CELF6: variants seen among roughly 807,000 people sequenced by gnomAD.
The protein encoded by CELF6 is Bruno -like 6, RNA binding protein.
Under a neutral mutation model 53.1 loss-of-function variants are expected in CELF6, and 32 were observed. The ratio of observed to expected loss-of-function variants is 0.60; its 90% CI spans 0.46 to 0.81. The LOEUF (loss-of-function observed/expected upper bound fraction) is 0.81. CELF6 is among the 30% of genes least tolerant of loss of function. The pLI is 0.00. For missense variants in CELF6, 539 were observed against 669.5 expected (o/e 0.81, Z 2.15); for synonymous variants, 291 against 288.8 (o/e 1.01, Z -0.08).
intron 3 of CELF6, among the ~76,000 whole-genome samples, chr15:72,298,437 A>G (rs901161733): frequency 1.3e-5 from 2 of 152,248 alleles, no homozygotes; most frequent in African/African-American, 4.8e-5. Flanking sequence ...ATGCCTCAAA[A>G]TATATTTTAA....
At chr15:72,299,508 C>T (rs1201334945) in intron 3 of CELF6, among the ~76,000 whole-genome samples, 5 of 151,658 alleles carry the variant, frequency 3.3e-5, no homozygotes, top group African/African-American at 9.7e-5. Flanking sequence ...TACAGGCACA[C>T]ACCACCAAGC....
At chr15:72,308,310 C>T (rs1361447336) in intron 2 of CELF6, among the ~76,000 whole-genome samples, 2 of 152,084 alleles carry the variant, frequency 1.3e-5, no homozygotes, top group East Asian at 1.9e-4. Flanking sequence ...CTCACCGAAA[C>T]CTCTGCCTCC....
intron 2 of CELF6, among the ~76,000 whole-genome samples, chr15:72,310,544 ATC>A (rs1278006990): frequency 2.4e-4 from 22 of 90,662 alleles, no homozygotes; most frequent in Non-Finnish European, 3.7e-4. Context: ...AGCCAGAGTA[ATC>A]TTTTTTTTTT....
chr15:72,292,761 CTCA>C (rs1164180208), intron 3 of CELF6, among the ~76,000 whole-genome samples: 1 of 152,240 alleles, frequency 6.6e-6, no homozygotes, highest in African/African-American at 2.4e-5. Flanking sequence ...GGCGCAGTGG[CTCA>C]CGCCTATAAT....
rs1418612179 is a variant in CELF6, at chr15:72,320,119, G to A, written c.-245C>T. On this transcript the variant is annotated 5_prime_UTR_variant, in exon 1 of 13. Coordinates refer to ENST00000287202, the MANE Select transcript of CELF6 (RefSeq NM_052840.5). Reference sequence around the variant, plus strand: ...GGCTGAACGCTGGGGTCTGGCTTGAGGTCCCCGTGCGGCTCTCTCTGGGCT... The same window carrying A: ...GGCTGAACGCTGGGGTCTGGCTTGAAGTCCCCGTGCGGCTCTCTCTGGGCT... 6.2e-6 allele frequency: 4 copies of A among 647,082 alleles called. No homozygotes were observed. The highest frequency in any genetic ancestry group is 1.1e-5 in the Non-Finnish European group (4 of 350,972). The allele number at this position is 647,082 out of a possible 1,614,324, so 40.1% of individuals were successfully genotyped here.
At chr15:72,313,792 C>T (rs1381286862) in intron 2 of CELF6, 16 of 941,962 alleles carry the variant, frequency 1.7e-5, no homozygotes, top group Admixed American at 6.2e-5. Flanking sequence ...ATGAGTTCTA[C>T]TCCTACTCCT....
At chr15:72,292,983 T>A (rs778929208) in intron 3 of CELF6, among the ~76,000 whole-genome samples, 10 of 152,198 alleles carry the variant, frequency 6.6e-5, no homozygotes, top group Admixed American at 1.3e-4. Context: ...GCCGAGATTG[T>A]ACCACTGCAC....
rs2087913422 is a variant in CELF6 at position 72,285,774 on chromosome 15, T to C, written c.*597A>G. 6.6e-6 allele frequency: 1 copy of C among 152,578 alleles called. No homozygotes were observed. 9.5% of individuals were successfully genotyped at this position (152,578 alleles called of 1,614,324 possible). A position where few individuals can be genotyped will look rare whatever the true frequency, so the allele number is the denominator to read the frequency against. ...CTAGACCTCAAATCCTTAATTATTTTTAAAAGGGCAGGGTGGGGGAGTGGC... is the reference window on the plus strand; with the variant it reads ...CTAGACCTCAAATCCTTAATTATTTCTAAAAGGGCAGGGTGGGGGAGTGGC... On this transcript the variant is annotated 3_prime_UTR_variant, in exon 13 of 13. Coordinates refer to ENST00000287202, the MANE Select transcript of CELF6 (RefSeq NM_052840.5).
At chr15:72,290,734 A>G (rs1567278374) in intron 3 of CELF6, among the ~76,000 whole-genome samples, 1 of 152,164 alleles carries the variant, frequency 6.6e-6, no homozygotes, top group Non-Finnish European at 1.5e-5. Context: ...GCTAGAATCA[A>G]TGCCCCTTCC....
Position 72,289,176 on chromosome 15 carries a change from G to C in CELF6, c.992C>G (p.Ser331Cys), listed in dbSNP as rs1393335790. The change falls in exon 8 of 13, where the codon TCC becomes TGC. Residue 331 changes from serine (S) to cysteine (C), a missense_variant. Coordinates refer to ENST00000287202, the MANE Select transcript of CELF6 (RefSeq NM_052840.5). The surrounding 1 kb of genome is among the most constrained non-coding windows in gnomAD (Gnocchi z 7.6). ...GAGCCCGTTATTGTAGAGCGTGTCGGAGCCCGGCTGGCCATTGGTCTGGGG... is the reference window on the plus strand; with the variant it reads ...GAGCCCGTTATTGTAGAGCGTGTCGCAGCCCGGCTGGCCATTGGTCTGGGG... ...LTPQTNGQPG[S>C]DTLYNNGLSP... The C allele has an allele frequency of 1.3e-6, 2 of 1,559,172 alleles. No homozygotes were observed. Among genetic ancestry groups the C allele is most frequent in the African/African-American group, 1.4e-5 (1 of 72,510 alleles).
chr15:72,302,106 T>A (rs2088165142), intron 3 of CELF6, among the ~76,000 whole-genome samples: 3 of 152,232 alleles, frequency 2.0e-5, no homozygotes, highest in Non-Finnish European at 4.4e-5. Context: ...TTAGAAGAGA[T>A]ATATGATAGC....
chr15:72,288,135 G>A lies in CELF6; in HGVS notation c.1318+173C>T, dbSNP rs2087946071. Among the ~76,000 whole-genome samples, 2 of 152,202 alleles carry A rather than the reference G, an allele frequency of 1.3e-5. No individual in the cohort carries two copies. The highest frequency in any genetic ancestry group is 4.8e-5 in the African/African-American group (2 of 41,454). Reference sequence around the variant, plus strand: ...TTACAGGCGTGAGCCACCATGCCCGGCCAAGGCTTGTTGTTGGCCTAAACT... The same window carrying A: ...TTACAGGCGTGAGCCACCATGCCCGACCAAGGCTTGTTGTTGGCCTAAACT... On this transcript the variant is annotated intron_variant, in intron 11 of 12. Coordinates refer to ENST00000287202, the MANE Select transcript of CELF6 (RefSeq NM_052840.5). This position sits in a 1 kb window ranked among gnomAD's most constrained non-coding sequence, Gnocchi z 4.6.
At chr15:72,294,024 G>T (rs1420515130) in intron 3 of CELF6, among the ~76,000 whole-genome samples, 1 of 152,114 alleles carries the variant, frequency 6.6e-6, no homozygotes, top group Non-Finnish European at 1.5e-5. Flanking sequence ...AAAACAAGTG[G>T]CTTAGGCTCC....
intron 3 of CELF6, among the ~76,000 whole-genome samples, chr15:72,299,847 A>C (rs1250258062): frequency 6.6e-6 from 1 of 152,176 alleles, no homozygotes; most frequent in Non-Finnish European, 1.5e-5. Context: ...AATTTATGCA[A>C]ACTCACTGGA....
chr15:72,310,298 T>C (rs920867355), intron 2 of CELF6, among the ~76,000 whole-genome samples: 3 of 152,156 alleles, frequency 2.0e-5, no homozygotes, highest in African/African-American at 7.2e-5. Flanking sequence ...TAATTTTTAG[T>C]ACTTTGTTTT....
At chr15:72,315,968 C>A in intron 1 of CELF6, 41 bp from the exon 2 acceptor site, 1 of 1,359,072 alleles carries the variant, frequency 7.4e-7, no homozygotes, top group Non-Finnish European at 1.0e-6. Flanking sequence ...TCCTGAAACC[C>A]CCAACTATTC....
chr15:72,314,589 G>GTTTTTTTTTTTTT lies in CELF6; in HGVS notation c.345+1243_345+1255dup, dbSNP rs984879836. Among the ~76,000 whole-genome samples, 225 of 97,828 alleles carry GTTTTTTTTTTTTT rather than the reference G, an allele frequency of 2.3e-3. 23 individuals carry two copies. Among genetic ancestry groups the GTTTTTTTTTTTTT allele is most frequent in the African/African-American group, 0.01 (214 of 20,700 alleles). 64.2% of individuals were successfully genotyped at this position (97,828 alleles called of 152,430 possible). The stretch of plus-strand genomic sequence containing the variant: ...AGGTCTGTGAGACTCAAAACCCAGT[G>GTTTTTTTTTTTTT]TTTTTTTTTTTTTTTTTTTTTTTGA... On this transcript the variant is annotated intron_variant, in intron 2 of 12. Coordinates refer to ENST00000287202, the MANE Select transcript of CELF6 (RefSeq NM_052840.5).
chr15:72,307,889 A>T (rs913395755), intron 2 of CELF6, among the ~76,000 whole-genome samples: 1 of 152,170 alleles, frequency 6.6e-6, no homozygotes, highest in African/African-American at 2.4e-5. Flanking sequence ...CCATGTAGAG[A>T]TAATAGGAGA....
intron 2 of CELF6, among the ~76,000 whole-genome samples, chr15:72,305,847 C>T (rs1418130892): frequency 6.9e-6 from 1 of 145,430 alleles, no homozygotes; most frequent in Non-Finnish European, 1.5e-5. Context: ...CAAACGAGAG[C>T]TCATTTGTTT....
Sources: allele counts gnomAD v4.1 joint callset (sites outside exome capture counted in the v4.1 genomes callset), GRCh38; gene constraint gnomAD v4.1.1; non-coding constraint Gnocchi (gnomAD v3.1); transcripts MANE v1.5; gene names NCBI Gene and HGNC (gene_info 2026-07-23, HGNC 2026-07-21).